The following CACNA2D1 variants were observed in gnomAD, a reference collection of about 807,000 sequenced individuals.
CACNA2D1 encodes calcium voltage-gated channel auxiliary subunit alpha2delta 1.
CACNA2D1 carries 53 observed loss-of-function variants against 171.5 expected under a neutral mutation model. The ratio of observed to expected loss-of-function variants is 0.31; its 90% CI spans 0.25 to 0.39. The LOEUF (loss-of-function observed/expected upper bound fraction) is 0.39, where lower values mean the gene tolerates loss of function less well. Among genes scored for constraint, CACNA2D1 ranks in the 10% least tolerant of loss-of-function variants. The pLI, the probability that CACNA2D1 is intolerant of heterozygous loss-of-function variation, is 1.00. For synonymous variants in CACNA2D1, 442 were observed against 443.1 expected (o/e 1.00, Z 0.03); for missense variants, 903 against 1,299.8 (o/e 0.69, Z 4.69).
chr7:81,958,871 TAATAATAAGACA>T (rs1459506530), intron 38 of CACNA2D1, among the ~76,000 whole-genome samples: 1 of 151,982 alleles, frequency 6.6e-6, no homozygotes, highest in Non-Finnish European at 1.5e-5. Flanking sequence ...TAGAACTCTG[TAATAATAAGACA>T]ATGGCTGTAT....
At chr7:82,088,402 C>T (rs1363337496) in intron 6 of CACNA2D1, among the ~76,000 whole-genome samples, 1 of 152,052 alleles carries the variant, frequency 6.6e-6, no homozygotes, top group Non-Finnish European at 1.5e-5. Context: ...ATTTTTCATT[C>T]ATATAAAACC....
chr7:82,197,443 A>G (rs369811348), intron 3 of CACNA2D1, among the ~76,000 whole-genome samples: 1 of 152,140 alleles, frequency 6.6e-6, no homozygotes, highest in Non-Finnish European at 1.5e-5. Flanking sequence ...ACTATAAATC[A>G]TAACATAAAT....
chr7:82,300,099 G>A (rs1812818668), intron 3 of CACNA2D1, among the ~76,000 whole-genome samples: 1 of 152,110 alleles, frequency 6.6e-6, no homozygotes, highest in South Asian at 2.1e-4. Flanking sequence ...AGGGGTGGGT[G>A]TCTGATTTAA....
chr7:82,034,692 C>T (rs149069155), intron 11 of CACNA2D1, among the ~76,000 whole-genome samples: 189 of 151,614 alleles, frequency 1.2e-3, no homozygotes, highest in Middle Eastern at 3.4e-3. Flanking sequence ...ATAATATGTA[C>T]CTAAAGAACT....
intron 3 of CACNA2D1, among the ~76,000 whole-genome samples, chr7:82,178,940 C>G (rs1796828053): frequency 6.6e-6 from 1 of 152,032 alleles, no homozygotes; most frequent in Non-Finnish European, 1.5e-5. Flanking sequence ...AATGTGGAAA[C>G]AATCATTTCC....
At chr7:82,306,504 T>C (rs1360617500) in intron 3 of CACNA2D1, among the ~76,000 whole-genome samples, 1 of 152,224 alleles carries the variant, frequency 6.6e-6, no homozygotes, top group South Asian at 2.1e-4. Context: ...GAAAGTCCAA[T>C]TGCACATGGA....
intron 3 of CACNA2D1, among the ~76,000 whole-genome samples, chr7:82,287,891 G>A (rs1311453399): frequency 6.6e-6 from 1 of 151,678 alleles, no homozygotes; most frequent in Non-Finnish European, 1.5e-5. Flanking sequence ...CCAGGCTGGA[G>A]TGCAGTGGTG....
At chr7:82,045,207 C>G (rs1584525028) in intron 10 of CACNA2D1, among the ~76,000 whole-genome samples, 1 of 152,282 alleles carries the variant, frequency 6.6e-6, no homozygotes, top group African/African-American at 2.4e-5. Context: ...GCTAGTTTCA[C>G]TGCAGCCTCA....
intron 4 of CACNA2D1, among the ~76,000 whole-genome samples, chr7:82,168,226 C>A (rs1249785290): frequency 6.6e-6 from 1 of 152,056 alleles, no homozygotes; most frequent in African/African-American, 2.4e-5. Flanking sequence ...TCACTGCACC[C>A]TCCACCTCCC....
rs576358050 is a variant in CACNA2D1, at chr7:82,041,614, G to A, written c.880-3379C>T. Among the ~76,000 whole-genome samples the A allele has an allele frequency of 3.3e-5, 5 of 152,268 alleles. No homozygotes were observed. In the South Asian group the frequency reaches 1.0e-3, roughly 32 times the overall value. ...TCACCAGTGTGAGAATAAAGTTCCA[G>A]TATATTTATTTACTGTTTTCTATAA... On this transcript the variant is annotated intron_variant, in intron 10 of 38. Coordinates refer to ENST00000356860, the MANE Select transcript of CACNA2D1 (RefSeq NM_000722.4).
chr7:82,353,415 G>C (rs1820068494), intron 1 of CACNA2D1, among the ~76,000 whole-genome samples: 1 of 152,140 alleles, frequency 6.6e-6, no homozygotes, highest in African/African-American at 2.4e-5. Context: ...GGTTCGATTA[G>C]AGGTGTTTGG....
chr7:82,426,297 A>G (rs1294033583), intron 1 of CACNA2D1, among the ~76,000 whole-genome samples: 2 of 151,602 alleles, frequency 1.3e-5, no homozygotes, highest in Non-Finnish European at 2.9e-5. Context: ...AGGATCTAAC[A>G]TGTATTTCTA....
intron 1 of CACNA2D1, among the ~76,000 whole-genome samples, chr7:82,363,779 C>A (rs1821373108): frequency 6.6e-6 from 1 of 152,174 alleles, no homozygotes; most frequent in African/African-American, 2.4e-5. Flanking sequence ...ACTAGACATA[C>A]TAAATTCTAG....
intron 3 of CACNA2D1, among the ~76,000 whole-genome samples, chr7:82,312,894 C>G (rs1814651548): frequency 6.6e-6 from 1 of 152,086 alleles, no homozygotes; most frequent in Non-Finnish European, 1.5e-5. Context: ...CCCATTTAAA[C>G]CGAAGATGCT....
intron 3 of CACNA2D1, among the ~76,000 whole-genome samples, chr7:82,333,921 A>G (rs750652521): frequency 2.0e-4 from 31 of 152,192 alleles, no homozygotes; most frequent in Non-Finnish European, 4.0e-4. Context: ...GTTTTCTTAA[A>G]GAAAACACTC....
intron 4 of CACNA2D1, among the ~76,000 whole-genome samples, chr7:82,154,174 C>A (rs770895425): frequency 1.3e-5 from 2 of 152,166 alleles, no homozygotes; most frequent in Non-Finnish European, 2.9e-5. Flanking sequence ...CTTCACATAA[C>A]GTCTGTGTGT....
rs1824424555 is a variant in CACNA2D1 at position 82,386,645 on chromosome 7, A to C, written c.96-36996T>G. ...CTACTCGCAAGGCTGAGGCAGGAGAATCACTTGAACTCGAGAGGCGGAGGT... is the reference window on the plus strand; with the variant it reads ...CTACTCGCAAGGCTGAGGCAGGAGACTCACTTGAACTCGAGAGGCGGAGGT... On this transcript the variant is annotated intron_variant, in intron 1 of 38. Coordinates refer to ENST00000356860, the MANE Select transcript of CACNA2D1 (RefSeq NM_000722.4). Among the ~76,000 whole-genome samples, 4 of 152,042 alleles carry C rather than the reference A, an allele frequency of 2.6e-5. 1 individual carries two copies. Among genetic ancestry groups the C allele is most frequent in the African/African-American group, 9.7e-5 (4 of 41,414 alleles).
intron 3 of CACNA2D1, among the ~76,000 whole-genome samples, chr7:82,190,733 A>T (rs1798208508): frequency 6.6e-6 from 1 of 151,676 alleles, no homozygotes; most frequent in Non-Finnish European, 1.5e-5. Context: ...TGGTATTATG[A>T]AAAAAAGAAA....
At chr7:82,236,897 A>G (rs1016302905) in intron 3 of CACNA2D1, among the ~76,000 whole-genome samples, 3 of 152,006 alleles carry the variant, frequency 2.0e-5, no homozygotes, top group African/African-American at 7.2e-5. Context: ...GAAGACTGAA[A>G]TAAAATAATA....
Sources: gnomAD v4.1 joint callset for allele counts (sites outside exome capture counted in the v4.1 genomes callset) on GRCh38, gnomAD v4.1.1 for gene constraint, MANE v1.5 for transcripts, NCBI Gene and HGNC (gene_info 2026-07-23, HGNC 2026-07-21) for gene names.